The following ZNF518A variants were observed in gnomAD, a reference collection of about 807,000 sequenced individuals.
ZNF518A encodes zinc finger protein 518.
ZNF518A carries 47 observed loss-of-function variants against 102.7 expected under a neutral mutation model. The ratio of observed to expected loss-of-function variants is 0.46; its 90% CI spans 0.36 to 0.58. The LOEUF (loss-of-function observed/expected upper bound fraction) is 0.58, where lower values mean the gene tolerates loss of function less well. Ranked by LOEUF, ZNF518A falls within the 20% of genes least tolerant of loss-of-function variation. The pLI is 0.00. For missense variants in ZNF518A, 1,793 were observed against 1,699.8 expected (o/e 1.05, Z -0.96); for synonymous variants, 652 against 594.6 (o/e 1.10, Z -1.40).
At chr10:96,177,870 T>C (rs1170167493) in intron 1 of ZNF518A, among the ~76,000 whole-genome samples, 1 of 152,000 alleles carries the variant, frequency 6.6e-6, no homozygotes, top group African/African-American at 2.4e-5. Flanking sequence ...AAAATGATAC[T>C]AGGGATAAAA....
chr10:96,190,393 A>T (rs2083309969), intron 1 of ZNF518A, among the ~76,000 whole-genome samples: 1 of 152,220 alleles, frequency 6.6e-6, no homozygotes, highest in Non-Finnish European at 1.5e-5. Flanking sequence ...TAAGGACACC[A>T]GCCATTGTAT....
intron 1 of ZNF518A, among the ~76,000 whole-genome samples, chr10:96,201,897 A>AT (rs797030295): frequency 7.2e-5 from 11 of 151,956 alleles, no homozygotes; most frequent in African/African-American, 2.7e-4. Flanking sequence ...ATAAGTAAAA[A>AT]ATATATATAT....
At position 96,161,165 on chromosome 10, in the gene ZNF518A, T is replaced by C. The variant is rs1414627520; in HGVS notation, c.*391T>C. The C allele has an allele frequency of 1.2e-5, 2 of 173,344 alleles. No individual in the cohort carries two copies. The highest frequency in any genetic ancestry group is 2.8e-5 in the Non-Finnish European group (2 of 72,644). The allele number at this position is 173,344 out of a possible 1,614,324, so 10.7% of individuals were successfully genotyped here. A position where few individuals can be genotyped will look rare whatever the true frequency, so the allele number is the denominator to read the frequency against. ...CCAGCCTTATGCATCTAAGTGTAGCTCCTCTGGAGATGGAGAGCTCTTTCA... is the reference window on the plus strand; with the variant it reads ...CCAGCCTTATGCATCTAAGTGTAGCCCCTCTGGAGATGGAGAGCTCTTTCA... On this transcript the variant is annotated 3_prime_UTR_variant, in exon 6 of 6. Coordinates refer to ENST00000316045, the MANE Select transcript of ZNF518A (RefSeq NM_001330736.2).
downstream of ZNF518A, chr10:96,204,442 C>A: frequency 7.2e-7 from 1 of 1,392,624 alleles, no homozygotes; most frequent in South Asian, 1.2e-5. Context: ...CCTAGCACTG[C>A]AAGTCAGTGT....
chr10:96,177,697 A>T (rs1330496003), intron 1 of ZNF518A, among the ~76,000 whole-genome samples: 4 of 152,134 alleles, frequency 2.6e-5, no homozygotes, highest in African/African-American at 4.8e-5. Context: ...GATAAAATAG[A>T]TTTTAAAACC....
At position 96,200,971 on chromosome 10, in the gene ZNF518A, T is replaced by A. The variant is rs2083617322; in HGVS notation, n.36-2603T>A. 6.2e-7 allele frequency: 1 copy of A among 1,611,654 alleles called. No homozygotes were observed. The highest frequency in any genetic ancestry group is 8.5e-7 in the Non-Finnish European group (1 of 1,177,832). On this transcript the variant is annotated intron_variant and non_coding_transcript_variant, in intron 1 of 2. Coordinates refer to the ZNF518A transcript ENST00000442635. This position sits in a 1 kb window ranked among gnomAD's most constrained non-coding sequence, Gnocchi z 4.3. The stretch of plus-strand genomic sequence containing the variant: ...GTAACAATTTAGTGACATCAAGAGT[T>A]CATTTCATACCTGTTCTGAAATAGT...
At position 96,156,661 on chromosome 10, in the gene ZNF518A, T is replaced by C. The variant is rs1276491294; in HGVS notation, c.339T>C (p.Ser113=). The C allele has an allele frequency of 4.3e-6, 7 of 1,613,764 alleles. No individual in the cohort carries two copies. Among genetic ancestry groups the C allele is most frequent in the Non-Finnish European group, 4.2e-6 (5 of 1,179,802 alleles). The change falls in exon 6 of 6, where the codon TCT becomes TCC. Residue 113 remains serine (S), a synonymous_variant. Coordinates refer to ENST00000316045, the MANE Select transcript of ZNF518A (RefSeq NM_001330736.2). ...ERAEEEGVKM[S]AKILNFSCLK... Reference sequence around the variant, plus strand: ...CTGAAGAAGAGGGTGTAAAAATGTCTGCAAAAATACTCAATTTCAGCTGTT... The same window carrying C: ...CTGAAGAAGAGGGTGTAAAAATGTCCGCAAAAATACTCAATTTCAGCTGTT...
intron 1 of ZNF518A, among the ~76,000 whole-genome samples, chr10:96,183,952 C>A (rs896281497): frequency 2.6e-5 from 4 of 152,120 alleles, no homozygotes; most frequent in Admixed American, 1.3e-4. Context: ...GTATCTAAAT[C>A]TCTTTGTAGG....
intron 3 of ZNF518A, among the ~76,000 whole-genome samples, chr10:96,137,262 C>A (rs1398166198): frequency 6.6e-6 from 1 of 152,130 alleles, no homozygotes; most frequent in Non-Finnish European, 1.5e-5. Context: ...CCTTTATCAT[C>A]AATTTTTTTA....
In ZNF518A at chr10:96,177,477, AG is replaced by A. The variant is rs1461393883; in HGVS notation, n.35+21431del. Among the ~76,000 whole-genome samples the A allele has an allele frequency of 1.4e-4, 21 of 152,234 alleles. 1 individual carries two copies. The highest frequency in any genetic ancestry group is 1.3e-3 in the Admixed American group (20 of 15,288). On this transcript the variant is annotated intron_variant and non_coding_transcript_variant, in intron 1 of 2. Transcript: ENST00000442635. ...TCCCTCATTGTTTAATTTCTTTTAAAGAAAATCATTGAAAGCAAAAATAATA... is the reference window on the plus strand; with the variant it reads ...TCCCTCATTGTTTAATTTCTTTTAAAAAAATCATTGAAAGCAAAAATAATA...
At chr10:96,174,921 A>G (rs1554891291) in intron 1 of ZNF518A, among the ~76,000 whole-genome samples, 7 of 152,158 alleles carry the variant, frequency 4.6e-5, no homozygotes, top group Non-Finnish European at 1.0e-4. Context: ...GTGAAGATAG[A>G]GCCCTCACAA....
chr10:96,204,205 G>T, downstream of ZNF518A: 1 of 1,129,208 alleles, frequency 8.9e-7, no homozygotes, highest in Non-Finnish European at 1.3e-6. Flanking sequence ...AATACAAATG[G>T]CCAATAAAAT....
chr10:96,146,735 G>A (rs1157169515), intron 3 of ZNF518A, among the ~76,000 whole-genome samples: 1 of 152,116 alleles, frequency 6.6e-6, no homozygotes, highest in African/African-American at 2.4e-5. Flanking sequence ...TGTTCTCTCT[G>A]GTCATATCCT....
chr10:96,160,060 T>C lies in ZNF518A; in HGVS notation c.3738T>C (p.Asn1246=), dbSNP rs781973439. 3 of 1,609,238 alleles carry C rather than the reference T, an allele frequency of 1.9e-6. No individual in the cohort carries two copies. Among genetic ancestry groups the C allele is most frequent in the Non-Finnish European group, 2.5e-6 (3 of 1,178,774 alleles). ...KTNCRIERNF[N]RKKTSKKIFS... ...ATTGTAGAATTGAGAGGAACTTCAA[T>C]AGAAAAAAGACTTCCAAAAAAATTT... The change falls in exon 6 of 6, where the codon AAT becomes AAC. Residue 1246 remains asparagine, a synonymous_variant. Coordinates refer to ENST00000316045, the MANE Select transcript of ZNF518A (RefSeq NM_001330736.2).
chr10:96,165,110 A>G (rs587719922), downstream of ZNF518A, among the ~76,000 whole-genome samples: 1 of 152,182 alleles, frequency 6.6e-6, no homozygotes. Context: ...CAACTGGGGA[A>G]CAATAAAAGA....
chr10:96,166,612 C>G (rs888667167), downstream of ZNF518A, among the ~76,000 whole-genome samples: 1 of 151,998 alleles, frequency 6.6e-6, no homozygotes, highest in Non-Finnish European at 1.5e-5. Context: ...CCTAAAAATA[C>G]AAAAAAATAG....
In ZNF518A at chr10:96,160,544, A is replaced by G. The variant is rs782816380; in HGVS notation, c.4222A>G (p.Lys1408Glu). 3 of 1,612,320 alleles carry G rather than the reference A, an allele frequency of 1.9e-6. No homozygotes were observed. Among genetic ancestry groups the G allele is most frequent in the Admixed American group, 3.3e-5 (2 of 59,766 alleles). Residue 1408 changes from lysine to glutamate, a missense_variant, in exon 6 of 6, where the codon AAA becomes GAA. This residue lies in a region of ZNF518A where 1,741 missense variants were observed against 1,622.6 expected (regional missense o/e 1.07). Coordinates refer to ENST00000316045, the MANE Select transcript of ZNF518A (RefSeq NM_001330736.2). ...TTATGATGATTTTTCCAAGAGGCAC[A>G]AAACATTTAAACCTGTTAGTTCTGT... ...TTYDDFSKRH[K>E]TFKPVSSVKE... is the part of the protein sequence containing the mutation.
intron 1 of ZNF518A, among the ~76,000 whole-genome samples, chr10:96,194,857 G>A (rs1489208651): frequency 7.2e-6 from 1 of 138,550 alleles, no homozygotes; most frequent in Admixed American, 8.1e-5. Flanking sequence ...TGCAAGCTCC[G>A]CCTCCCGGGT....
rs1456778349 is a variant in ZNF518A, at chr10:96,157,576, T to G, written c.1254T>G (p.Ala418=). ...PNASSGFMKT[A]VLGPTLKNVM... ...CTAGTTCAGGTTTCATGAAGACTGC[T>G]GTACTAGGACCTACACTGAAAAATG... is the stretch of plus-strand genomic sequence containing the variant. The change falls in exon 6 of 6, where the codon GCT becomes GCG. Residue 418 remains alanine (A), a synonymous_variant. Coordinates refer to ENST00000316045, the MANE Select transcript of ZNF518A (RefSeq NM_001330736.2). The G allele has an allele frequency of 6.2e-7, 1 of 1,613,688 alleles. No individual in the cohort carries two copies. Among genetic ancestry groups the G allele is most frequent in the South Asian group, 1.1e-5 (1 of 91,062 alleles).
Sources: allele counts gnomAD v4.1 joint callset (sites outside exome capture counted in the v4.1 genomes callset), GRCh38; gene constraint gnomAD v4.1.1; regional missense constraint gnomAD v4.1.1; non-coding constraint Gnocchi (gnomAD v3.1); transcripts MANE v1.5; gene names NCBI Gene and HGNC (gene_info 2026-07-23, HGNC 2026-07-21).